The following SCAMP1 variants were observed in gnomAD, a reference collection of about 807,000 sequenced individuals.
The protein encoded by SCAMP1 is secretory carrier-associated membrane protein 1.
Under a neutral mutation model 41.8 loss-of-function variants are expected in SCAMP1, and 15 were observed. The observed-to-expected ratio is 0.36, with a 90% CI of 0.24 to 0.55. The LOEUF is 0.55. Ranked by LOEUF, SCAMP1 falls within the 20% of genes least tolerant of loss-of-function variation. The pLI is 0.86. For synonymous variants in SCAMP1, 135 were observed against 136.8 expected (o/e 0.99, Z 0.09); for missense variants, 341 against 412.6 (o/e 0.83, Z 1.50).
intron 5 of SCAMP1, among the ~76,000 whole-genome samples, chr5:78,421,072 A>G (rs1321900639): frequency 6.6e-6 from 1 of 152,204 alleles, no homozygotes; most frequent in Non-Finnish European, 1.5e-5. Context: ...CTTTAGGATC[A>G]TGGTATAGTT....
intron 2 of SCAMP1, among the ~76,000 whole-genome samples, chr5:78,411,815 T>C (rs1276397384): frequency 6.6e-6 from 1 of 152,186 alleles, no homozygotes; most frequent in Non-Finnish European, 1.5e-5. Flanking sequence ...AGGGTATAAA[T>C]ACTTCTATGG....
At chr5:78,469,925 A>C (rs1753841655) in intron 8 of SCAMP1, among the ~76,000 whole-genome samples, 4 of 20,384 alleles carry the variant, frequency 2.0e-4, no homozygotes, top group Non-Finnish European at 4.3e-4. Flanking sequence ...AAAAAAAAAA[A>C]AAAAAAACAA....
chr5:78,475,215 T>C (rs1290992231), intron 8 of SCAMP1, among the ~76,000 whole-genome samples: 3 of 152,170 alleles, frequency 2.0e-5, no homozygotes, highest in Admixed American at 2.0e-4. Context: ...ACTTGACTAA[T>C]TGGGTGCAGA....
At chr5:78,378,696 A>T (rs543355435) in intron 1 of SCAMP1, among the ~76,000 whole-genome samples, 37 of 152,368 alleles carry the variant, frequency 2.4e-4, no homozygotes, top group Admixed American at 4.6e-4. Flanking sequence ...GGCTTAACTA[A>T]TGATGTAAAG....
chr5:78,456,651 C>G (rs1753412566), intron 7 of SCAMP1, among the ~76,000 whole-genome samples: 1 of 150,344 alleles, frequency 6.7e-6, no homozygotes, highest in South Asian at 2.1e-4. Context: ...GTGAATCTGA[C>G]AATAATGTGT....
rs774711424 is a variant in SCAMP1 at position 78,362,085 on chromosome 5, C to CT, written c.57+1369dup. On this transcript the variant is annotated intron_variant, in intron 1 of 8. Coordinates refer to ENST00000621999, the MANE Select transcript of SCAMP1 (RefSeq NM_004866.6). ...TCAGTGACATGGTTGCATTTTAAGA[C>CT]TTTTTTTTTTTTCCTGGCAGTTTTG... 9.7e-3 allele frequency among the ~76,000 whole-genome samples: 1,426 copies of CT among 146,754 alleles called. 16 individuals are homozygous for CT. The highest frequency in any genetic ancestry group is 0.032 in the African/African-American group (1,271 of 40,278).
At chr5:78,433,666 C>G (rs1438082978) in intron 6 of SCAMP1, among the ~76,000 whole-genome samples, 1 of 151,924 alleles carries the variant, frequency 6.6e-6, no homozygotes, top group African/African-American at 2.4e-5. Flanking sequence ...TTCGGGTTTC[C>G]CCTTTGTGCC....
At chr5:78,440,992 G>A (rs192065762) in intron 6 of SCAMP1, among the ~76,000 whole-genome samples, 26 of 152,350 alleles carry the variant, frequency 1.7e-4, no homozygotes, top group Admixed American at 5.2e-4. Flanking sequence ...CTCTGTGGGC[G>A]TGGGACCCTC....
chr5:78,398,300 C>T (rs1310774001), intron 2 of SCAMP1, among the ~76,000 whole-genome samples: 1 of 147,314 alleles, frequency 6.8e-6, no homozygotes, highest in Non-Finnish European at 1.5e-5. Flanking sequence ...ATTGGTGAAT[C>T]TATATTGACA....
At chr5:78,455,285 A>G (rs906798281) in intron 7 of SCAMP1, among the ~76,000 whole-genome samples, 2 of 145,026 alleles carry the variant, frequency 1.4e-5, no homozygotes, top group African/African-American at 5.2e-5. Context: ...TAGGGTGTCA[A>G]TTTTGGATCT....
chr5:78,449,834 C>T, intron 6 of SCAMP1, 99 bp from the exon 7 acceptor site: 1 of 671,672 alleles, frequency 1.5e-6, no homozygotes, highest in Non-Finnish European at 2.5e-6. Context: ...GAATGTCATT[C>T]TGCAGGTAAA....
In SCAMP1 at chr5:78,388,932, T is replaced by C. The variant is rs758879350; in HGVS notation, c.135+18T>C. ...CTAGAACAGTAAGATTATTCTTGCT[T>C]TTAAATGTTTAAATTGAAATTCAGT... On this transcript the variant is annotated intron_variant, in intron 2 of 8. Transcript: ENST00000621999. 8.2e-7 allele frequency: 1 copy of C among 1,218,160 alleles called. No homozygotes were observed. The highest frequency in any genetic ancestry group is 1.4e-5 in the South Asian group (1 of 70,360). The allele number at this position is 1,218,160 out of a possible 1,614,324, so 75.5% of individuals were successfully genotyped here.
intron 6 of SCAMP1, among the ~76,000 whole-genome samples, chr5:78,422,185 A>G (rs1752353908): frequency 6.6e-6 from 1 of 152,172 alleles, no homozygotes. Context: ...AAACATGAAA[A>G]TTGATGGAAA....
chr5:78,407,437 A>G (rs1316266795), intron 2 of SCAMP1, among the ~76,000 whole-genome samples: 4 of 152,014 alleles, frequency 2.6e-5, no homozygotes, highest in African/African-American at 9.7e-5. Context: ...AAGGATACAC[A>G]GTGGTTTATA....
chr5:78,425,880 C>G (rs1752456330), intron 6 of SCAMP1, among the ~76,000 whole-genome samples: 1 of 152,082 alleles, frequency 6.6e-6, no homozygotes, highest in Middle Eastern at 3.2e-3. Flanking sequence ...CTGCACCTAT[C>G]AACCCATCAT....
At chr5:78,415,142 C>T (rs931675392) in intron 2 of SCAMP1, among the ~76,000 whole-genome samples, 2 of 151,574 alleles carry the variant, frequency 1.3e-5, no homozygotes, top group African/African-American at 4.9e-5. Flanking sequence ...TTAGTAGAGA[C>T]GGGGTTTCAC....
intron 8 of SCAMP1, among the ~76,000 whole-genome samples, chr5:78,466,841 A>T (rs139276382): frequency 1.3e-5 from 2 of 152,250 alleles, no homozygotes; most frequent in East Asian, 3.9e-4. Context: ...CGGGCTAGGA[A>T]GCTGATTAGT....
intron 8 of SCAMP1, among the ~76,000 whole-genome samples, chr5:78,470,827 T>C (rs1157531497): frequency 6.6e-6 from 1 of 152,176 alleles, no homozygotes; most frequent in Non-Finnish European, 1.5e-5. Context: ...TCCGTTTTTC[T>C]CATTCCAGCC....
rs777983122 is a variant in SCAMP1 at position 78,373,318 on chromosome 5, T to A, written c.57+12590T>A. On this transcript the variant is annotated intron_variant, in intron 1 of 8. Transcript: ENST00000621999. ...ATGTTTATATTAAATAGAAAAAGCA[T>A]GTATTACTACTTTCAAGCTTTGGGA... is the stretch of plus-strand genomic sequence containing the variant. 2.2e-3 allele frequency among the ~76,000 whole-genome samples: 338 copies of A among 152,308 alleles called. 1 individual carries two copies. The highest frequency in any genetic ancestry group is 3.8e-3 in the Non-Finnish European group (256 of 68,000).
Sources: allele counts gnomAD v4.1 joint callset (sites outside exome capture counted in the v4.1 genomes callset), GRCh38; gene constraint gnomAD v4.1.1; transcripts MANE v1.5; gene names NCBI Gene and HGNC (gene_info 2026-07-23, HGNC 2026-07-21).